KIF5C: variants seen among roughly 807,000 people sequenced by gnomAD.
The protein encoded by KIF5C is kinesin family member 5C, also known as kinesin heavy chain isoform 5C.
A neutral mutation model predicts 125.2 loss-of-function variants in KIF5C; 18 were observed. That is an observed-to-expected ratio of 0.14 (90% confidence interval 0.10 to 0.21). The LOEUF (loss-of-function observed/expected upper bound fraction) is 0.21, where lower values mean the gene tolerates loss of function less well. Among genes scored for constraint, KIF5C ranks in the 10% least tolerant of loss-of-function variants. KIF5C has a pLI of 1.00. For synonymous variants in KIF5C, 405 were observed against 434.0 expected (o/e 0.93, Z 0.83); for missense variants, 780 against 1,183.8 (o/e 0.66, Z 5.01).
rs1357962004 is a variant in KIF5C, at chr2:148,876,894, C to T, written c.126+1151C>T. Among the ~76,000 whole-genome samples the T allele has an allele frequency of 2.6e-5, 4 of 152,204 alleles. No individual in the cohort carries two copies. Among genetic ancestry groups the T allele is most frequent in the Non-Finnish European group, 5.9e-5 (4 of 68,042 alleles). On this transcript the variant is annotated intron_variant, in intron 1 of 25. Coordinates refer to ENST00000435030, the MANE Select transcript of KIF5C (RefSeq NM_004522.3). The surrounding 1 kb of genome is among the most constrained non-coding windows in gnomAD (Gnocchi z 4.7). ...AGGCTGCTGATGCAGCCTTCCCGTC[C>T]CCAGCATTGATTAAGTGATGTCATC...
At chr2:149,008,469 C>T (rs375159885) in intron 23 of KIF5C, among the ~76,000 whole-genome samples, 3 of 152,150 alleles carry the variant, frequency 2.0e-5, no homozygotes, top group African/African-American at 7.2e-5. Flanking sequence ...TTTATTTTTA[C>T]AGATGGGGAA....
At chr2:148,930,201 C>T (rs1044276889) in intron 3 of KIF5C, among the ~76,000 whole-genome samples, 1 of 152,212 alleles carries the variant, frequency 6.6e-6, no homozygotes, top group African/African-American at 2.4e-5. Flanking sequence ...TACATACCTG[C>T]TCCCTGAAGG....
intron 10 of KIF5C, among the ~76,000 whole-genome samples, chr2:148,960,272 T>A (rs1035035154): frequency 2.0e-5 from 3 of 152,228 alleles, no homozygotes; most frequent in Non-Finnish European, 4.4e-5. Context: ...TCATGTGAAG[T>A]TATCAAGGGA....
At chr2:148,942,827 G>C (rs139017458) in intron 7 of KIF5C, 67 bp downstream of exon 7, 120 of 1,561,218 alleles carry the variant, frequency 7.7e-5, no homozygotes, top group Non-Finnish European at 9.0e-5. Context: ...CCAACCGAGG[G>C]GGGTGGGGAA....
At chr2:148,881,774 G>A (rs1681366504) in intron 1 of KIF5C, among the ~76,000 whole-genome samples, 1 of 145,582 alleles carries the variant, frequency 6.9e-6, no homozygotes, top group Admixed American at 6.6e-5. Flanking sequence ...ATGCTTGCAT[G>A]TGTAATCTTA....
chr2:148,903,322 A>C (rs565898030), intron 1 of KIF5C, among the ~76,000 whole-genome samples: 1 of 152,344 alleles, frequency 6.6e-6, no homozygotes, highest in Non-Finnish European at 1.5e-5. Context: ...ACTGAAGCTC[A>C]TTCCAGCAGA....
At chr2:148,908,346 G>A (rs1681196787) in intron 1 of KIF5C, among the ~76,000 whole-genome samples, 1 of 152,184 alleles carries the variant, frequency 6.6e-6, no homozygotes, top group Non-Finnish European at 1.5e-5. Context: ...GGATGATGGA[G>A]AACAGCTCTC....
intron 1 of KIF5C, among the ~76,000 whole-genome samples, chr2:148,888,012 GC>G (rs1293492840): frequency 6.6e-6 from 1 of 152,236 alleles, no homozygotes; most frequent in Non-Finnish European, 1.5e-5. Flanking sequence ...GAGCACCGCA[GC>G]AATTAAGTAC....
chr2:148,964,030 C>A (rs183755884), intron 11 of KIF5C, among the ~76,000 whole-genome samples: 74 of 152,264 alleles, frequency 4.9e-4, no homozygotes, highest in African/African-American at 1.7e-3. Context: ...TCTCCCAGCT[C>A]TTTGGGTGGC....
intron 18 of KIF5C, 65 bp downstream of exon 18, chr2:148,997,405 T>C (rs776561893): frequency 6.2e-7 from 1 of 1,607,800 alleles, no homozygotes; most frequent in Admixed American, 1.7e-5. Context: ...TGGAAATGCT[T>C]GTTCTAGGAA....
intron 16 of KIF5C, 81 bp from the exon 17 acceptor site, chr2:148,994,340 G>C: frequency 6.6e-7 from 1 of 1,504,248 alleles, no homozygotes; most frequent in Non-Finnish European, 8.9e-7. Context: ...CTCCTCTCTC[G>C]CATTTTCCTA....
At chr2:148,892,476 G>A (rs1355067373) in intron 1 of KIF5C, among the ~76,000 whole-genome samples, 1 of 152,180 alleles carries the variant, frequency 6.6e-6, no homozygotes, top group East Asian at 1.9e-4. Context: ...GTAAACCTGG[G>A]CTATACTTAA....
intron 21 of KIF5C, among the ~76,000 whole-genome samples, chr2:149,003,586 G>T (rs1246414276): frequency 6.6e-6 from 1 of 152,270 alleles, no homozygotes; most frequent in East Asian, 1.9e-4. Context: ...AGGGACATGT[G>T]TGGGGAGGCA....
At position 149,000,740 on chromosome 2, in the gene KIF5C, G is replaced by C; in HGVS notation, c.2331G>C (p.Arg777Ser). Residue 777 changes from arginine to serine, a missense_variant, in exon 21 of 26, where the codon AGG (arginine) becomes AGC (serine). Physicochemically the swap from Arg to Ser is moderately radical, Grantham distance 110. Around this residue, in one of 2 missense-constraint regions of KIF5C, gnomAD observed 573 missense variants for 742.6 expected, o/e 0.77. Coordinates refer to ENST00000435030, the MANE Select transcript of KIF5C (RefSeq NM_004522.3). ...LEKLLLLNDK[R>S]EQAREDLKGL... Reference sequence around the variant, plus strand: ...TTTTCAGATTGCTCAACGATAAAAGGGAACAAGCCAGAGAAGACCTCAAAG... The same window carrying C: ...TTTTCAGATTGCTCAACGATAAAAGCGAACAAGCCAGAGAAGACCTCAAAG... The C allele has an allele frequency of 5.6e-6, 9 of 1,613,922 alleles. No individual in the cohort carries two copies. The highest frequency in any genetic ancestry group is 1.1e-5 in the South Asian group (1 of 91,048).
intron 10 of KIF5C, among the ~76,000 whole-genome samples, chr2:148,956,360 T>A (rs558961360): frequency 6.6e-6 from 1 of 152,366 alleles, no homozygotes; most frequent in Non-Finnish European, 1.5e-5. Context: ...TAGTAGAATA[T>A]ATCTAAGAGA....
chr2:149,014,993 G>C (rs750756709), intron 25 of KIF5C, among the ~76,000 whole-genome samples: 3 of 152,146 alleles, frequency 2.0e-5, no homozygotes, highest in Non-Finnish European at 4.4e-5. Context: ...TTCAAGACCA[G>C]CCTGGCCAAC....
chr2:148,952,496 A>G (rs183711016), intron 10 of KIF5C, among the ~76,000 whole-genome samples: 91 of 152,314 alleles, frequency 6.0e-4, no homozygotes, highest in Non-Finnish European at 7.1e-4. Context: ...ACCTTTGTAC[A>G]GGGTATGAAA....
In KIF5C at chr2:148,875,575, G is replaced by GCCCCCCCCCCCCC; in HGVS notation, c.-37_-36insCCCCCCCCCCCCC. ...TCCTCCCTCGTCGTTCCCGGCCCCG[G>GCCCCCCCCCCCCC]CCCCCCACCCATCCCCGTGCCCCCT... On this transcript the variant is annotated 5_prime_UTR_variant, in exon 1 of 26. Coordinates refer to ENST00000435030, the MANE Select transcript of KIF5C (RefSeq NM_004522.3). 4.3e-6 allele frequency: 3 copies of GCCCCCCCCCCCCC among 699,600 alleles called. No homozygotes were observed. Among genetic ancestry groups the GCCCCCCCCCCCCC allele is most frequent in the East Asian group, 3.0e-5 (1 of 33,466 alleles). 43.3% of individuals were successfully genotyped at this position (699,600 alleles called of 1,614,324 possible).
chr2:148,978,277 C>T (rs1574807407), intron 12 of KIF5C, among the ~76,000 whole-genome samples: 1 of 146,822 alleles, frequency 6.8e-6, no homozygotes, highest in Admixed American at 6.8e-5. Context: ...GCCTTTCCCA[C>T]TTCAGTGACA....
Sources: gnomAD v4.1 joint callset for allele counts (sites outside exome capture counted in the v4.1 genomes callset) on GRCh38, gnomAD v4.1.1 for gene constraint, gnomAD v4.1.1 regional missense constraint, Gnocchi (gnomAD v3.1) non-coding constraint, MANE v1.5 for transcripts, NCBI Gene and HGNC (gene_info 2026-07-23, HGNC 2026-07-21) for gene names.